SERPINI2: variants seen among roughly 807,000 people sequenced by gnomAD.
SERPINI2 encodes the protein serpin family I member 2, also known as serpin I2.
In SERPINI2, 48 loss-of-function variants were observed where a neutral mutation model predicts 47.3. The observed-to-expected ratio is 1.02, with a 90% CI of 0.81 to 1.29. SERPINI2 has a LOEUF of 1.29. SERPINI2 is among the 50% of genes most tolerant of loss of function. SERPINI2 has a pLI of 0.00. For missense variants in SERPINI2, 448 were observed against 456.9 expected, an observed-to-expected ratio of 0.98 and a Z score of 0.18; for synonymous variants, 135 against 149.3, an observed-to-expected ratio of 0.90 and a Z score of 0.70.
intron 5 of SERPINI2, among the ~76,000 whole-genome samples, chr3:167,454,457 T>C (rs1436231336): frequency 6.6e-6 from 1 of 152,196 alleles, no homozygotes; most frequent in Non-Finnish European, 1.5e-5. Context: ...CTAAGAAAGA[T>C]AATATGCAGC....
exon 7 of SERPINI2, chr3:167,449,393 T>C: frequency 6.2e-7 from 1 of 1,606,740 alleles, no homozygotes. Flanking sequence ...AACATACACT[T>C]CAGATGAATC....
chr3:167,473,080 T>C (rs898664135), intron 1 of SERPINI2, among the ~76,000 whole-genome samples: 13 of 151,852 alleles, frequency 8.6e-5, no homozygotes, highest in African/African-American at 3.1e-4. Flanking sequence ...TATTTATATA[T>C]AAAGATTACT....
chr3:167,442,872 G>A (rs35521463), intron 8 of SERPINI2, among the ~76,000 whole-genome samples: 29,056 of 152,082 alleles, frequency 0.19, 4,120 homozygotes, highest in African/African-American at 0.39. Context: ...AAATCAATCA[G>A]TGTCAAATGT....
At chr3:167,474,133 C>G (rs1577181203), upstream of SERPINI2, 2 of 993,964 alleles carry the variant, frequency 2.0e-6, no homozygotes, top group South Asian at 4.7e-5. Flanking sequence ...ATTAATTCCT[C>G]TAGAACAAAA....
At chr3:167,457,016 G>A (rs1749813151) in intron 5 of SERPINI2, among the ~76,000 whole-genome samples, 1 of 152,142 alleles carries the variant, frequency 6.6e-6, no homozygotes. Flanking sequence ...GAAAGTGGCA[G>A]GGCTCTGGGT....
At chr3:167,458,414 C>T (rs151021595) in intron 5 of SERPINI2, among the ~76,000 whole-genome samples, 4,420 of 143,818 alleles carry the variant, frequency 0.031, 103 homozygotes, top group Non-Finnish European at 0.03. Context: ...CCACGCCTGG[C>T]TAATTGTTTG....
At chr3:167,450,728 A>C (rs1200195763) in intron 6 of SERPINI2, among the ~76,000 whole-genome samples, 1 of 152,102 alleles carries the variant, frequency 6.6e-6, no homozygotes, top group African/African-American at 2.4e-5. Flanking sequence ...GAAGACAAAT[A>C]AACACAGAGG....
intron 5 of SERPINI2, among the ~76,000 whole-genome samples, chr3:167,464,647 G>A (rs575198271): frequency 3.9e-5 from 6 of 152,200 alleles, no homozygotes; most frequent in Non-Finnish European, 2.9e-5. Context: ...TCTTTTTGAA[G>A]TTTCTTCTGT....
At chr3:167,475,668 T>A (rs1184620794), upstream of SERPINI2, among the ~76,000 whole-genome samples, 1 of 148,186 alleles carries the variant, frequency 6.7e-6, no homozygotes, top group African/African-American at 2.5e-5. Context: ...CACAAATTTT[T>A]AAAATATTTT....
At chr3:167,459,151 T>G (rs942150307) in intron 5 of SERPINI2, among the ~76,000 whole-genome samples, 1 of 150,214 alleles carries the variant, frequency 6.7e-6, no homozygotes, top group Non-Finnish European at 1.5e-5. Context: ...CTCGGCTCAC[T>G]GCAAGCTCCG....
At chr3:167,466,885 T>C (rs896196061) in intron 3 of SERPINI2, among the ~76,000 whole-genome samples, 170 bp downstream of exon 3, 17 of 152,166 alleles carry the variant, frequency 1.1e-4, no homozygotes, top group African/African-American at 4.1e-4. Flanking sequence ...ATAATTTCTT[T>C]CCAGTTTTAC....
Position 167,471,610 on chromosome 3 carries a change from T to TAA in SERPINI2, c.223_224dup (p.Leu75PhefsTer2). The TAA allele has an allele frequency of 6.2e-7, 1 of 1,613,552 alleles. No homozygotes were observed. Among genetic ancestry groups the TAA allele is most frequent in the Non-Finnish European group, 8.5e-7 (1 of 1,179,688 alleles). ...CACCAGCTGAGGTTTCCTGTTGTTT[T>TAA]AAAGTTTGTCTTATCTGCTGCTGTG... On this transcript the variant is annotated frameshift_variant, in exon 2 of 9. Coordinates refer to ENST00000264677, the Ensembl canonical transcript of SERPINI2. LOFTEE classifies it high-confidence loss of function.
At chr3:167,463,097 ACT>A (rs1560234671) in intron 5 of SERPINI2, among the ~76,000 whole-genome samples, 1 of 152,074 alleles carries the variant, frequency 6.6e-6, no homozygotes, top group Non-Finnish European at 1.5e-5. Context: ...CTGAGACCCC[ACT>A]GGTGGTACAT....
chr3:167,473,196 C>T (rs1343924441), intron 1 of SERPINI2, among the ~76,000 whole-genome samples: 1 of 151,520 alleles, frequency 6.6e-6, no homozygotes, highest in African/African-American at 2.4e-5. Flanking sequence ...AAGACAAAAG[C>T]CTCAAAAAAC....
At chr3:167,447,847 A>G (rs1749522524) in intron 7 of SERPINI2, among the ~76,000 whole-genome samples, 1 of 152,254 alleles carries the variant, frequency 6.6e-6, no homozygotes, top group Admixed American at 6.5e-5. Context: ...AAGTTCCTTG[A>G]GCACAGCAAT....
intron 5 of SERPINI2, among the ~76,000 whole-genome samples, chr3:167,455,571 T>A (rs1201890187): frequency 7.0e-6 from 1 of 142,040 alleles, no homozygotes; most frequent in African/African-American, 2.7e-5. Flanking sequence ...ATTCTCACAC[T>A]GCTATAAAGA....
intron 7 of SERPINI2, 108 bp from the exon 8 acceptor site, chr3:167,446,589 G>C: frequency 1.5e-6 from 1 of 648,152 alleles, no homozygotes; most frequent in Non-Finnish European, 2.5e-6. Flanking sequence ...TGTGTAAGGA[G>C]TTAACATGTG....
At chr3:167,453,983 T>G (rs949987885) in intron 5 of SERPINI2, among the ~76,000 whole-genome samples, 2 of 152,214 alleles carry the variant, frequency 1.3e-5, no homozygotes, top group African/African-American at 4.8e-5. Flanking sequence ...AAAAGACACA[T>G]GTAATAATCT....
Position 167,449,422 on chromosome 3 carries a change from C to G in SERPINI2, c.965-20G>C. On this transcript the variant is annotated intron_variant, in intron 6 of 8. Coordinates refer to ENST00000264677, the Ensembl canonical transcript of SERPINI2. ...ATGAATCTGGTTAAAAAAAAATACA[C>G]AAAAGTGTATTTAAGAGTTAAAATC... 6.7e-7 allele frequency: 1 copy of G among 1,498,374 alleles called. No homozygotes were observed. The highest frequency in any genetic ancestry group is 9.2e-7 in the Non-Finnish European group (1 of 1,081,328). The allele number at this position is 1,498,374 out of a possible 1,614,324, so 92.8% of individuals were successfully genotyped here.
Sources: allele counts gnomAD v4.1 joint callset (sites outside exome capture counted in the v4.1 genomes callset), GRCh38; gene constraint gnomAD v4.1.1; transcripts MANE v1.5; gene names NCBI Gene and HGNC (gene_info 2026-07-23, HGNC 2026-07-21).